The following ZNRF1 variants were observed in gnomAD, a reference collection of about 807,000 sequenced individuals.
The protein encoded by ZNRF1 is E3 ubiquitin-protein ligase ZNRF1.
In ZNRF1, 3 loss-of-function variants were observed where a neutral mutation model predicts 18.4. The observed-to-expected ratio is 0.16, with a 90% CI of 0.07 to 0.42. The LOEUF is 0.42. Among genes scored for constraint, ZNRF1 ranks in the 10% least tolerant of loss-of-function variants. ZNRF1 has a pLI of 0.99. For missense variants in ZNRF1, 310 were observed against 329.8 expected (o/e 0.94, Z 0.47); for synonymous variants, 157 against 144.2 (o/e 1.09, Z -0.64).
chr16:75,085,091 G>A (rs573020948), intron 1 of ZNRF1, among the ~76,000 whole-genome samples: 1 of 152,092 alleles, frequency 6.6e-6, no homozygotes, highest in East Asian at 1.9e-4. Context: ...TGTATATTTG[G>A]TGGATTTTGA....
At chr16:75,065,733 G>C (rs953507232) in intron 1 of ZNRF1, among the ~76,000 whole-genome samples, 2 of 152,094 alleles carry the variant, frequency 1.3e-5, no homozygotes, top group Non-Finnish European at 2.9e-5. Context: ...CACATTCTTC[G>C]TGTCTATAAC....
chr16:75,012,232 T>C (rs1422757456), intron 1 of ZNRF1, among the ~76,000 whole-genome samples: 1 of 152,248 alleles, frequency 6.6e-6, no homozygotes, highest in African/African-American at 2.4e-5. Flanking sequence ...AGTGAATTGC[T>C]GCAGTAGCAT....
intron 1 of ZNRF1, among the ~76,000 whole-genome samples, chr16:75,028,271 C>T (rs1018045599): frequency 6.6e-6 from 1 of 152,174 alleles, no homozygotes; most frequent in Non-Finnish European, 1.5e-5. Flanking sequence ...CCTACAGATA[C>T]TAGTCCATTC....
chr16:75,021,572 G>C (rs542893287), intron 1 of ZNRF1, among the ~76,000 whole-genome samples: 9 of 152,154 alleles, frequency 5.9e-5, no homozygotes, highest in Non-Finnish European at 1.0e-4. Context: ...GTTTTTATTT[G>C]TCATAACCAT....
intron 1 of ZNRF1, among the ~76,000 whole-genome samples, chr16:75,062,113 A>AT (rs1194965030): frequency 6.6e-6 from 1 of 152,212 alleles, no homozygotes; most frequent in Non-Finnish European, 1.5e-5. Context: ...ATCTAAGCAA[A>AT]TGGTTGTTCA....
rs376059968 is a variant in ZNRF1, at chr16:75,107,751, C to T, written c.*51C>T. 98 of 456,460 alleles carry T rather than the reference C, an allele frequency of 2.1e-4. 2 individuals carry two copies. The highest frequency in any genetic ancestry group is 9.8e-4 in the South Asian group (63 of 64,558). The allele number at this position is 456,460 out of a possible 1,614,324, so 28.3% of individuals were successfully genotyped here. A position where few individuals can be genotyped will look rare whatever the true frequency, so the allele number is the denominator to read the frequency against. On this transcript the variant is annotated 3_prime_UTR_variant, in exon 5 of 5. Transcript: ENST00000335325. ...CACACAGGGACAGAGCGCCCCTGCT[C>T]CAGGGAGGAGGCTCACCGGACCCTG... is the stretch of plus-strand genomic sequence containing the variant.
intron 1 of ZNRF1, among the ~76,000 whole-genome samples, chr16:75,036,926 G>T (rs1032266987): frequency 6.6e-6 from 1 of 152,200 alleles, no homozygotes; most frequent in Admixed American, 6.6e-5. Flanking sequence ...AGGTCCAGTT[G>T]TGTTGATTTG....
In ZNRF1 at chr16:74,999,919, A is replaced by G; in HGVS notation, c.248A>G (p.Glu83Gly). Reference protein sequence around the residue: ...TPASRGTGDSERAPGGGGSAS... With the variant: ...TPASRGTGDSGRAPGGGGSAS... Reference sequence around the variant, plus strand: ...GCCTCCCGGGGCACCGGCGACTCCGAGAGGGCGCCCGGCGGCGGAGGGTCT... The same window carrying G: ...GCCTCCCGGGGCACCGGCGACTCCGGGAGGGCGCCCGGCGGCGGAGGGTCT... Residue 83 changes from glutamate (E) to glycine (G), a missense_variant, in exon 1 of 5, where the codon GAG becomes GGG. By Grantham distance (98) the Glu-to-Gly change is moderately conservative. Transcript: ENST00000335325. The G allele has an allele frequency of 6.4e-7, 1 of 1,556,902 alleles. No homozygotes were observed. Among genetic ancestry groups the G allele is most frequent in the Non-Finnish European group, 8.7e-7 (1 of 1,152,850 alleles).
chr16:75,049,738 C>T (rs2035566464), intron 1 of ZNRF1, among the ~76,000 whole-genome samples: 1 of 152,156 alleles, frequency 6.6e-6, no homozygotes, highest in Admixed American at 6.5e-5. Flanking sequence ...TTCAGTGGTA[C>T]ATCCTACATA....
At chr16:75,039,456 G>A (rs1383254900) in intron 1 of ZNRF1, among the ~76,000 whole-genome samples, 1 of 152,156 alleles carries the variant, frequency 6.6e-6, no homozygotes, top group Non-Finnish European at 1.5e-5. Flanking sequence ...TTTTACTCTT[G>A]AAACTACTTA....
At chr16:75,070,691 G>A (rs754030823) in intron 1 of ZNRF1, among the ~76,000 whole-genome samples, 4 of 152,004 alleles carry the variant, frequency 2.6e-5, no homozygotes, top group Non-Finnish European at 5.9e-5. Flanking sequence ...CCCAGTTGCA[G>A]CTCCCATGGA....
chr16:75,031,784 G>GA (rs60424702), intron 1 of ZNRF1, among the ~76,000 whole-genome samples: 3,570 of 152,264 alleles, frequency 0.023, 161 homozygotes, highest in African/African-American at 0.083. Flanking sequence ...TTACAGGCGT[G>GA]AGCCACCACA....
chr16:75,027,513 A>G (rs1185814120), intron 1 of ZNRF1, among the ~76,000 whole-genome samples: 1 of 152,042 alleles, frequency 6.6e-6, no homozygotes, highest in Non-Finnish European at 1.5e-5. Flanking sequence ...CAGTCCTTTC[A>G]ACCATCTTTG....
At chr16:75,095,323 G>A (rs2036184899) in intron 2 of ZNRF1, among the ~76,000 whole-genome samples, 1 of 152,108 alleles carries the variant, frequency 6.6e-6, no homozygotes, top group Admixed American at 6.5e-5. Flanking sequence ...ACTGCTGCCA[G>A]TTCTCTAAGT....
intron 2 of ZNRF1, among the ~76,000 whole-genome samples, chr16:75,099,678 C>T (rs1168317377): frequency 6.6e-6 from 1 of 152,200 alleles, no homozygotes. Context: ...TGAACCTCTT[C>T]TCTAGGGGCC....
intron 1 of ZNRF1, among the ~76,000 whole-genome samples, chr16:75,037,239 T>G (rs2035386765): frequency 6.6e-6 from 1 of 152,214 alleles, no homozygotes; most frequent in African/African-American, 2.4e-5. Flanking sequence ...TGGAACTACA[T>G]CAGTAGATAG....
In ZNRF1 at chr16:75,099,932, C is replaced by G. The variant is rs539595833; in HGVS notation, c.521-4852C>G. Among the ~76,000 whole-genome samples, 3 of 152,276 alleles carry G rather than the reference C, an allele frequency of 2.0e-5. No homozygotes were observed. In the East Asian group the frequency reaches 5.8e-4, roughly 29 times the overall value. On this transcript the variant is annotated intron_variant, in intron 2 of 4. Coordinates refer to ENST00000335325, the MANE Select transcript of ZNRF1 (RefSeq NM_032268.5). ...CCGGAGGCCACTAACTCCCACAGCC[C>G]CAGGGGTGGGGACAGGAAGTTGTAC... is the stretch of plus-strand genomic sequence containing the variant.
At chr16:75,010,624 G>T (rs1012597645) in intron 1 of ZNRF1, among the ~76,000 whole-genome samples, 3 of 151,610 alleles carry the variant, frequency 2.0e-5, no homozygotes, top group Admixed American at 6.6e-5. Context: ...GTTGGTAGTA[G>T]CTTGAGCCCT....
chr16:75,076,816 T>TTATTAG (rs1460560866), intron 1 of ZNRF1, among the ~76,000 whole-genome samples: 1 of 151,452 alleles, frequency 6.6e-6, no homozygotes, highest in Non-Finnish European at 1.5e-5. Context: ...TATGATGGAA[T>TTATTAG]TATTAGTGCC....
Sources: gnomAD v4.1 joint callset for allele counts (sites outside exome capture counted in the v4.1 genomes callset) on GRCh38, gnomAD v4.1.1 for gene constraint, MANE v1.5 for transcripts, NCBI Gene and HGNC (gene_info 2026-07-23, HGNC 2026-07-21) for gene names.